KIF22: variants seen among roughly 807,000 people sequenced by gnomAD.
KIF22 encodes the protein kinesin-like protein KIF22.
KIF22 carries 62 observed loss-of-function variants against 73.0 expected under a neutral mutation model. The ratio of observed to expected loss-of-function variants is 0.85; its 90% CI spans 0.69 to 1.05. KIF22 has a LOEUF of 1.05. Among genes scored for constraint, KIF22 ranks in the 50% least tolerant of loss-of-function variants. The pLI, the probability that KIF22 is intolerant of heterozygous loss-of-function variation, is 0.00. For synonymous variants in KIF22, 411 were observed against 340.1 expected (o/e 1.21, Z -2.29); for missense variants, 854 against 870.1 (o/e 0.98, Z 0.23).
intron 9 of KIF22, among the ~76,000 whole-genome samples, chr16:29,803,162 A>G (rs779939567): frequency 6.6e-6 from 1 of 152,182 alleles, no homozygotes; most frequent in East Asian, 1.9e-4. Flanking sequence ...AAAAGCAACA[A>G]ATGTTAAACA....
At position 29,797,396 on chromosome 16, in the gene KIF22, G is replaced by C. The variant is rs1051680266; in HGVS notation, c.266+308G>C. On this transcript the variant is annotated intron_variant, in intron 2 of 13. Coordinates refer to ENST00000160827, the MANE Select transcript of KIF22 (RefSeq NM_007317.3). This position sits in a 1 kb window ranked among gnomAD's most constrained non-coding sequence, Gnocchi z 4.1. The stretch of plus-strand genomic sequence containing the variant: ...ATATCAGGAGGGTTGGCGGAACACA[G>C]ACCTGCCAGCCAGCCTACCCAAGCT... Among the ~76,000 whole-genome samples, 3 of 152,104 alleles carry C rather than the reference G, an allele frequency of 2.0e-5. No homozygotes were observed. The highest frequency in any genetic ancestry group is 7.2e-5 in the African/African-American group (3 of 41,414).
chr16:29,800,707 A>T (rs1020498609), intron 8 of KIF22, among the ~76,000 whole-genome samples: 7 of 152,152 alleles, frequency 4.6e-5, no homozygotes, highest in Non-Finnish European at 7.4e-5. Flanking sequence ...TGAAAGTTGC[A>T]GTGAGCCAAG....
At chr16:29,801,739 G>A (rs963133348) in intron 8 of KIF22, among the ~76,000 whole-genome samples, 3 of 152,156 alleles carry the variant, frequency 2.0e-5, no homozygotes, top group Admixed American at 6.5e-5. Context: ...AGTCAGGAAG[G>A]AAGAGATGAC....
chr16:29,803,410 G>T (rs769532937), intron 9 of KIF22, 39 bp from the exon 10 acceptor site: 32 of 1,609,646 alleles, frequency 2.0e-5, no homozygotes, highest in Non-Finnish European at 2.5e-5. Context: ...CTGCCCTGGA[G>T]TTGGGTCTGG....
rs1899029845 is a variant in KIF22, at chr16:29,798,972, C to T, written c.550-3C>T. On this transcript the variant is annotated splice_region_variant and splice_polypyrimidine_tract_variant and intron_variant, in intron 4 of 13. Transcript: ENST00000160827. The surrounding 1 kb of genome is among the most constrained non-coding windows in gnomAD (Gnocchi z 4.1). ...TTGCCCTTCCCCTTCACTGCTTACA[C>T]AGGTATTAGACCTCCTGGACCCTGC... 2 of 1,613,834 alleles carry T rather than the reference C, an allele frequency of 1.2e-6. No homozygotes were observed. The highest frequency in any genetic ancestry group is 1.7e-6 in the Non-Finnish European group (2 of 1,179,676).
At chr16:29,804,687 GAC>G (rs1899287777) in intron 11 of KIF22, 125 bp from the exon 12 acceptor site, 3 of 772,132 alleles carry the variant, frequency 3.9e-6, no homozygotes, top group Admixed American at 4.0e-5. Context: ...CGGGATTTTG[GAC>G]ACACTTGACA....
chr16:29,803,330 C>G, intron 9 of KIF22, 119 bp from the exon 10 acceptor site: 1 of 1,220,184 alleles, frequency 8.2e-7, no homozygotes, highest in Non-Finnish European at 1.1e-6. Context: ...TAACCTCCCA[C>G]TGGTCCTAGC....
At chr16:29,791,881 T>G (rs1346386534) in intron 1 of KIF22, among the ~76,000 whole-genome samples, 1 of 152,206 alleles carries the variant, frequency 6.6e-6, no homozygotes, top group African/African-American at 2.4e-5. Context: ...AGATGCACTG[T>G]GTCCGGTGCA....
intron 1 of KIF22, chr16:29,792,508 T>C (rs1898844549): frequency 5.0e-6 from 3 of 595,084 alleles, no homozygotes; most frequent in Non-Finnish European, 6.3e-6. Flanking sequence ...GTGTTGGGGT[T>C]AGAAAGGTGA....
Position 29,797,542 on chromosome 16 carries a change from G to A in KIF22, c.266+454G>A, listed in dbSNP as rs746386785. ...CTCCTTGGCCTGTTTTTCTAGGCGG[G>A]GGCTGGCAAACCATGGCCTGCAGGT... is the stretch of plus-strand genomic sequence containing the variant. On this transcript the variant is annotated intron_variant, in intron 2 of 13. Coordinates refer to ENST00000160827, the MANE Select transcript of KIF22 (RefSeq NM_007317.3). The surrounding 1 kb of genome is among the most constrained non-coding windows in gnomAD (Gnocchi z 4.1). 2.0e-5 allele frequency among the ~76,000 whole-genome samples: 3 copies of A among 152,122 alleles called. No homozygotes were observed. Among genetic ancestry groups the A allele is most frequent in the Non-Finnish European group, 2.9e-5 (2 of 68,022 alleles).
At chr16:29,804,314 C>G in intron 11 of KIF22, 1 of 604,074 alleles carries the variant, frequency 1.7e-6, no homozygotes. Flanking sequence ...GGCTTCTACC[C>G]TCTACAAGCT....
intron 9 of KIF22, 47 bp from the exon 10 acceptor site, chr16:29,803,402 G>T: frequency 6.2e-7 from 1 of 1,607,412 alleles, no homozygotes; most frequent in Non-Finnish European, 8.5e-7. Flanking sequence ...CCTTCAGGCT[G>T]CCCTGGAGTT....
chr16:29,793,495 C>T (rs1386075765), intron 1 of KIF22, among the ~76,000 whole-genome samples: 1 of 152,144 alleles, frequency 6.6e-6, no homozygotes, highest in Non-Finnish European at 1.5e-5. Flanking sequence ...AGCTCTTGTG[C>T]AGAACGTGCA....
chr16:29,803,435 A>T lies in KIF22; in HGVS notation c.1450-14A>T, dbSNP rs761024685. ...GTTGGGTCTGGATCACATCTCCCTG[A>T]TCCTTTCCAACAGAGGCTTAAGACG... On this transcript the variant is annotated splice_polypyrimidine_tract_variant and intron_variant, in intron 9 of 13. Coordinates refer to ENST00000160827, the MANE Select transcript of KIF22 (RefSeq NM_007317.3). 6.2e-7 allele frequency: 1 copy of T among 1,613,784 alleles called. No individual in the cohort carries two copies. The highest frequency in any genetic ancestry group is 1.7e-4 in the Middle Eastern group (1 of 6,058).
chr16:29,802,339 C>T (rs1899170920), intron 8 of KIF22, among the ~76,000 whole-genome samples: 1 of 146,702 alleles, frequency 6.8e-6, no homozygotes, highest in Non-Finnish European at 1.5e-5. Flanking sequence ...ACTGCTTGAA[C>T]AGGCCTTCCC....
chr16:29,798,615 C>A lies in KIF22; in HGVS notation c.417C>A (p.Gly139=), dbSNP rs771255035. 1.9e-6 allele frequency: 3 copies of A among 1,614,090 alleles called. No individual in the cohort carries two copies. Among genetic ancestry groups the A allele is most frequent in the South Asian group, 1.1e-5 (1 of 91,088 alleles). Residue 139 remains glycine (G), a synonymous_variant, in exon 4 of 14, where the codon GGC becomes GGA. Coordinates refer to ENST00000160827, the MANE Select transcript of KIF22 (RefSeq NM_007317.3). The surrounding 1 kb of genome is among the most constrained non-coding windows in gnomAD (Gnocchi z 4.1). ...TGAGKTHTML[G]SPEQPGVIPR... ...CAGGGAAGACGCACACAATGCTGGG[C>A]AGCCCAGAGCAACCTGGGGTGATCC...
Position 29,799,029 on chromosome 16 carries a change from C to A in KIF22, c.604C>A (p.Arg202=). Residue 202 remains arginine, a synonymous_variant, in exon 5 of 14, where the codon CGG becomes AGG. Coordinates refer to ENST00000160827, the MANE Select transcript of KIF22 (RefSeq NM_007317.3). ...SGDLVIREDC[R]GNILIPGLSQ... ...AGACCTGGTAATCCGAGAAGACTGC[C>A]GGGGGAATATCCTGATTCCGGGTCT... 6.2e-7 allele frequency: 1 copy of A among 1,614,154 alleles called. No individual in the cohort carries two copies. Among genetic ancestry groups the A allele is most frequent in the Non-Finnish European group, 8.5e-7 (1 of 1,180,022 alleles).
chr16:29,791,560 C>T (rs758399433), intron 1 of KIF22: 1 of 152,158 alleles, frequency 6.6e-6, no homozygotes, highest in Non-Finnish European at 1.5e-5. Flanking sequence ...CCTCGTTAGC[C>T]TCGTGGGGAA....
chr16:29,803,630 G>T, intron 10 of KIF22, 22 bp downstream of exon 10: 1 of 1,578,998 alleles, frequency 6.3e-7, no homozygotes, highest in South Asian at 1.1e-5. Context: ...TCCAGGGGCT[G>T]GGGGGCCAAG....
Sources: allele counts gnomAD v4.1 joint callset (sites outside exome capture counted in the v4.1 genomes callset), GRCh38; gene constraint gnomAD v4.1.1; non-coding constraint Gnocchi (gnomAD v3.1); transcripts MANE v1.5; gene names NCBI Gene and HGNC (gene_info 2026-07-23, HGNC 2026-07-21).